RBFOX1: variants seen among roughly 807,000 people sequenced by gnomAD.
RBFOX1 encodes RNA binding protein fox-1 homolog 1.
In RBFOX1, 8 loss-of-function variants were observed where a neutral mutation model predicts 57.7. The observed-to-expected ratio is 0.14, with a 90% confidence interval of 0.08 to 0.25. RBFOX1 has a LOEUF of 0.25. Ranked by LOEUF, RBFOX1 falls within the 10% of genes least tolerant of loss-of-function variation. The pLI is 1.00. For synonymous variants in RBFOX1, 326 were observed against 222.4 expected (o/e 1.47, Z -4.15); for missense variants, 611 against 548.5 (o/e 1.11, Z -1.14).
chr16:7,166,972 C>CTGTTTTTTTTTTTTT (rs2079651732), intron 4 of RBFOX1, among the ~76,000 whole-genome samples: 1 of 49,098 alleles, frequency 2.0e-5, no homozygotes, highest in African/African-American at 1.0e-4. Context: ...CATTGGTGTT[C>CTGTTTTTTTTTTTTT]TTTTTTTTTT....
At chr16:5,645,705 A>G (rs888972361) in intron 3 of RBFOX1, among the ~76,000 whole-genome samples, 2 of 152,198 alleles carry the variant, frequency 1.3e-5, no homozygotes, top group Admixed American at 6.5e-5. Context: ...TTGGTCTGGC[A>G]CCCAGACTGG....
intron 2 of RBFOX1, among the ~76,000 whole-genome samples, chr16:6,618,888 C>T (rs1601698399): frequency 1.3e-5 from 2 of 152,126 alleles, no homozygotes; most frequent in East Asian, 3.9e-4. Context: ...TTGTCCTCCC[C>T]TTAGATGAGG....
At chr16:5,788,712 G>A (rs907177145) in intron 3 of RBFOX1, among the ~76,000 whole-genome samples, 2 of 152,092 alleles carry the variant, frequency 1.3e-5, no homozygotes, top group African/African-American at 2.4e-5. Flanking sequence ...GAGCTCCTCA[G>A]CGAGTGTAAG....
intron 4 of RBFOX1, among the ~76,000 whole-genome samples, chr16:7,447,308 C>G (rs1024908149): frequency 1.3e-5 from 2 of 151,706 alleles, no homozygotes; most frequent in Non-Finnish European, 2.9e-5. Context: ...TGGCACACAC[C>G]TGTTATCCTA....
intron 4 of RBFOX1, among the ~76,000 whole-genome samples, chr16:7,069,865 A>C (rs2056961592): frequency 6.6e-6 from 1 of 152,190 alleles, no homozygotes; most frequent in African/African-American, 2.4e-5. Context: ...ACATCACTCC[A>C]AAATGTAGAA....
At chr16:5,248,669 G>A (rs1211004350) in intron 1 of RBFOX1, among the ~76,000 whole-genome samples, 1 of 152,058 alleles carries the variant, frequency 6.6e-6, no homozygotes, top group Non-Finnish European at 1.5e-5. Flanking sequence ...AAAGCTGTTC[G>A]GGGGAGACTG....
At position 6,836,355 on chromosome 16, in the gene RBFOX1, C is replaced by G. The variant is rs12933926; in HGVS notation, c.-16+181705C>G. ...AGAAAACTGCTTTTGAAGTTAGAAA[C>G]TGAAACACACAGCAACAGAAGCAAC... On this transcript the variant is annotated intron_variant, in intron 3 of 15. Transcript: ENST00000550418. Among the ~76,000 whole-genome samples, 644 of 152,320 alleles carry G rather than the reference C, an allele frequency of 4.2e-3. 4 individuals carry two copies. The highest frequency in any genetic ancestry group is 3.8e-3 in the Non-Finnish European group (257 of 68,018).
In RBFOX1 at chr16:7,048,168, C is replaced by T. The variant is rs547198990; in HGVS notation, c.-15-3889C>T. Among the ~76,000 whole-genome samples, 45 of 152,116 alleles carry T rather than the reference C, an allele frequency of 3.0e-4. No individual in the cohort carries two copies. The South Asian group carries it at 3.3e-3, about 11-fold the overall frequency. Reference sequence around the variant, plus strand: ...TTCTGGGATTACAGGTGTGAGCCACCGTGCCCAGCCCAATATTTTATTTTT... The same window carrying T: ...TTCTGGGATTACAGGTGTGAGCCACTGTGCCCAGCCCAATATTTTATTTTT... On this transcript the variant is annotated intron_variant, in intron 3 of 15. Coordinates refer to ENST00000550418, the MANE Select transcript of RBFOX1 (RefSeq NM_018723.4).
At chr16:7,142,100 T>G (rs1219724145) in intron 4 of RBFOX1, among the ~76,000 whole-genome samples, 1 of 152,124 alleles carries the variant, frequency 6.6e-6, no homozygotes, top group African/African-American at 2.4e-5. Flanking sequence ...CATAGCTCAG[T>G]GCAGCATCAA....
chr16:7,586,226 G>C (rs1848173), intron 6 of RBFOX1, among the ~76,000 whole-genome samples: 28,675 of 152,032 alleles, frequency 0.19, 2,834 homozygotes, highest in South Asian at 0.27. Flanking sequence ...CTCTCTCTCA[G>C]TTGCTCGTAC....
At chr16:5,652,467 C>A (rs950627448) in intron 3 of RBFOX1, among the ~76,000 whole-genome samples, 1 of 152,114 alleles carries the variant, frequency 6.6e-6, no homozygotes, top group Non-Finnish European at 1.5e-5. Context: ...GTTACAGGAG[C>A]CTAAACATAA....
intron 1 of RBFOX1, among the ~76,000 whole-genome samples, chr16:6,041,474 A>T (rs1419782583): frequency 2.0e-5 from 3 of 152,108 alleles, no homozygotes; most frequent in African/African-American, 7.2e-5. Flanking sequence ...AGTGTTTTAT[A>T]TGTACTATTC....
chr16:7,108,179 T>C (rs2063953102), intron 4 of RBFOX1, among the ~76,000 whole-genome samples: 1 of 152,182 alleles, frequency 6.6e-6, no homozygotes, highest in African/African-American at 2.4e-5. Flanking sequence ...ATTTAATCTC[T>C]GATGGTTCAG....
At chr16:7,111,103 CAT>C (rs920427514) in intron 4 of RBFOX1, among the ~76,000 whole-genome samples, 2 of 152,164 alleles carry the variant, frequency 1.3e-5, no homozygotes, top group Non-Finnish European at 2.9e-5. Flanking sequence ...TATGTCGAGA[CAT>C]GTGGCCAATC....
intron 3 of RBFOX1, among the ~76,000 whole-genome samples, chr16:5,645,254 A>C (rs928850292): frequency 7.3e-5 from 7 of 95,324 alleles, no homozygotes; most frequent in Admixed American, 5.2e-4. Flanking sequence ...CATCTCAAAA[A>C]AACAAAAACA....
intron 3 of RBFOX1, among the ~76,000 whole-genome samples, chr16:5,709,837 ATATATATTTTTTTTTTTTTTTTTTTTTT>A (rs1291802354): frequency 2.9e-4 from 2 of 6,858 alleles, no homozygotes; most frequent in Non-Finnish European, 6.5e-4. Context: ...ATATATATAT[ATATATATTTTTTTTTTTTTTTTTTTTTT>A]TTTTTTTTTT....
At chr16:7,533,549 C>G (rs561888512) in intron 5 of RBFOX1, among the ~76,000 whole-genome samples, 22 of 152,326 alleles carry the variant, frequency 1.4e-4, no homozygotes, top group African/African-American at 3.4e-4. Flanking sequence ...AACATCATCA[C>G]TTAGCCTAGC....
intron 3 of RBFOX1, among the ~76,000 whole-genome samples, chr16:6,982,616 G>C (rs1414492769): frequency 6.6e-6 from 1 of 152,176 alleles, no homozygotes; most frequent in Non-Finnish European, 1.5e-5. Flanking sequence ...ACCAGGAGCT[G>C]AGCAAAGCCC....
At chr16:5,788,604 G>A (rs1271335530) in intron 3 of RBFOX1, among the ~76,000 whole-genome samples, 1 of 152,184 alleles carries the variant, frequency 6.6e-6, no homozygotes, top group Non-Finnish European at 1.5e-5. Flanking sequence ...ACTCCAGCCT[G>A]GGTGACAGAG....
Sources: allele counts gnomAD v4.1 joint callset (sites outside exome capture counted in the v4.1 genomes callset), GRCh38; gene constraint gnomAD v4.1.1; transcripts MANE v1.5; gene names NCBI Gene and HGNC (gene_info 2026-07-23, HGNC 2026-07-21).